GLP2R: variants seen among roughly 807,000 people sequenced by gnomAD.
GLP2R encodes the protein glucagon-like peptide 2 receptor.
GLP2R carries 59 observed loss-of-function variants against 68.2 expected under a neutral mutation model. The observed-to-expected ratio is 0.87, with a 90% CI of 0.70 to 1.07. The LOEUF is 1.07. Among genes scored for constraint, GLP2R ranks in the 50% least tolerant of loss-of-function variants. The probability of loss-of-function intolerance (pLI) is 0.00; values close to 1 mark genes in which losing one functional copy is unlikely to be tolerated. For missense variants in GLP2R, 548 were observed against 677.4 expected, an observed-to-expected ratio of 0.81 and a Z score of 2.12; for synonymous variants, 270 against 265.4, an observed-to-expected ratio of 1.02 and a Z score of -0.17.
chr17:9,857,462 G>A lies in GLP2R; in HGVS notation c.651G>A (p.Leu217=). The change falls in exon 6 of 13, where the codon TTG becomes TTA. Residue 217 remains leucine (L), a synonymous_variant. Coordinates refer to ENST00000262441, the MANE Select transcript of GLP2R (RefSeq NM_004246.3). ...HCTRNYIHMN[L]FASFILRTLA... ...CGCGCAACTACATCCACATGAACTT[G>A]TTTGCTTCTTTCATCCTGAGAACCC... The A allele has an allele frequency of 6.2e-7, 1 of 1,614,200 alleles. No homozygotes were observed. The highest frequency in any genetic ancestry group is 8.5e-7 in the Non-Finnish European group (1 of 1,180,028).
chr17:9,826,161 G>A lies in GLP2R; in HGVS notation c.98G>A (p.Gly33Glu). ...ELPMGIPAPWGTSPLSFHRKC... is the reference protein window; with the variant it reads ...ELPMGIPAPWETSPLSFHRKC... ...CCCATGGGCATCCCTGCCCCCTGGG[G>A]GACCAGTCCTCTCTCCTTCCACAGG... is the stretch of plus-strand genomic sequence containing the variant. Residue 33 changes from glycine (G) to glutamate (E), a missense_variant, in exon 1 of 13, where the codon GGG (glycine) becomes GAG (glutamate). Physicochemically the swap from Gly to Glu is moderately conservative, Grantham distance 98. Coordinates refer to ENST00000262441, the MANE Select transcript of GLP2R (RefSeq NM_004246.3). 1.2e-6 allele frequency: 2 copies of A among 1,612,960 alleles called. No homozygotes were observed. The highest frequency in any genetic ancestry group is 1.7e-6 in the Non-Finnish European group (2 of 1,179,518).
At chr17:9,880,317 C>G in intron 10 of GLP2R, 61 bp from the exon 11 acceptor site, 2 of 1,082,728 alleles carry the variant, frequency 1.8e-6, no homozygotes, top group Non-Finnish European at 2.7e-6. Flanking sequence ...CATGGAAGAG[C>G]AGGAAATGTT....
intron 11 of GLP2R, among the ~76,000 whole-genome samples, chr17:9,884,759 C>A (rs905587205): frequency 6.6e-6 from 1 of 151,978 alleles, no homozygotes; most frequent in Admixed American, 6.6e-5. Flanking sequence ...AATTTTTTTC[C>A]CATTATGAAA....
chr17:9,861,727 A>G (rs762552344), intron 8 of GLP2R, among the ~76,000 whole-genome samples: 1 of 152,212 alleles, frequency 6.6e-6, no homozygotes, highest in Non-Finnish European at 1.5e-5. Flanking sequence ...CACACAAAAA[A>G]CTACATAATT....
In GLP2R at chr17:9,860,001, C is replaced by T. The variant is rs777796266; in HGVS notation, c.825C>T (p.Tyr275=). 3 of 1,613,518 alleles carry T rather than the reference C, an allele frequency of 1.9e-6. No individual in the cohort carries two copies. The highest frequency in any genetic ancestry group is 1.7e-5 in the Admixed American group (1 of 59,988). The change falls in exon 7 of 13, where the codon TAC becomes TAT. Residue 275 remains tyrosine, a synonymous_variant. Coordinates refer to ENST00000262441, the MANE Select transcript of GLP2R (RefSeq NM_004246.3). The part of the protein sequence containing the change: ...VLLHYFVGAN[Y]LWLLVEGLYL... Reference sequence around the variant, plus strand: ...TGCATTACTTTGTGGGTGCCAATTACTTATGGCTGCTGGTTGAAGGCCTCT... The same window carrying T: ...TGCATTACTTTGTGGGTGCCAATTATTTATGGCTGCTGGTTGAAGGCCTCT...
intron 10 of GLP2R, among the ~76,000 whole-genome samples, chr17:9,873,556 CTT>C (rs3073988): frequency 6.1e-4 from 32 of 52,056 alleles, no homozygotes; most frequent in Non-Finnish European, 9.5e-4. Flanking sequence ...TATGCATGGA[CTT>C]TTTTTTTTTT....
At chr17:9,870,184 T>G (rs908092719) in intron 9 of GLP2R, among the ~76,000 whole-genome samples, 21 of 152,182 alleles carry the variant, frequency 1.4e-4, no homozygotes, top group Admixed American at 1.4e-3. Context: ...AATCACTGAC[T>G]AGCCATGCAA....
chr17:9,889,218 T>G (rs912436424), intron 12 of GLP2R, 152 bp from the exon 13 acceptor site: 9 of 604,910 alleles, frequency 1.5e-5, no homozygotes, highest in Non-Finnish European at 2.1e-5. Context: ...CCACCAGACA[T>G]GTTTATGTAT....
chr17:9,833,407 G>T (rs1193565870), intron 1 of GLP2R, among the ~76,000 whole-genome samples: 2 of 152,188 alleles, frequency 1.3e-5, no homozygotes, highest in Non-Finnish European at 2.9e-5. Flanking sequence ...GGCAATGCAG[G>T]CTTCTGCAAT....
At chr17:9,853,209 C>A in intron 4 of GLP2R, 1 of 362,864 alleles carries the variant, frequency 2.8e-6, no homozygotes, top group South Asian at 3.2e-5. Flanking sequence ...TCATCATTGT[C>A]CGCCTTAAAG....
intron 11 of GLP2R, among the ~76,000 whole-genome samples, chr17:9,884,852 C>T (rs2067228123): frequency 6.6e-6 from 1 of 152,032 alleles, no homozygotes; most frequent in South Asian, 2.1e-4. Context: ...CCGTAATCTT[C>T]TTTAAAAGGT....
At chr17:9,864,242 C>A (rs953707648) in intron 9 of GLP2R, among the ~76,000 whole-genome samples, 2 of 152,226 alleles carry the variant, frequency 1.3e-5, no homozygotes, top group Non-Finnish European at 2.9e-5. Context: ...GCACCAGCAT[C>A]GCCTGAGCGC....
Position 9,890,365 on chromosome 17 carries a change from T to A in GLP2R, c.*660T>A. On this transcript the variant is annotated 3_prime_UTR_variant, in exon 13 of 13. Coordinates refer to ENST00000262441, the MANE Select transcript of GLP2R (RefSeq NM_004246.3). Reference sequence around the variant, plus strand: ...CTGCCCTCCTTGGAGAGTATGTAACTCCACCCACCAGAGTGCCACTCCTCT... The same window carrying A: ...CTGCCCTCCTTGGAGAGTATGTAACACCACCCACCAGAGTGCCACTCCTCT... 8.0e-6 allele frequency: 2 copies of A among 251,122 alleles called. No homozygotes were observed. The highest frequency in any genetic ancestry group is 9.1e-5 in the South Asian group (2 of 21,950). 15.6% of individuals were successfully genotyped at this position (251,122 alleles called of 1,614,324 possible). A position where few individuals can be genotyped will look rare whatever the true frequency, so the allele number is the denominator to read the frequency against.
intron 12 of GLP2R, among the ~76,000 whole-genome samples, chr17:9,888,753 C>CATGA (rs925034308): frequency 6.6e-6 from 1 of 152,240 alleles, no homozygotes; most frequent in Non-Finnish European, 1.5e-5. Flanking sequence ...AGGCATGAAC[C>CATGA]ATGAAGCCTG....
intron 4 of GLP2R, among the ~76,000 whole-genome samples, chr17:9,846,267 GCTATA>G (rs1425745514): frequency 6.6e-6 from 1 of 152,102 alleles, no homozygotes; most frequent in African/African-American, 2.4e-5. Context: ...TTAAAAAACT[GCTATA>G]TGAGGGATAG....
intron 12 of GLP2R, among the ~76,000 whole-genome samples, chr17:9,888,283 C>T (rs578059290): frequency 2.0e-5 from 3 of 152,110 alleles, no homozygotes; most frequent in Admixed American, 6.6e-5. Flanking sequence ...TCTGAATTCA[C>T]GCCTTGGTTC....
chr17:9,828,696 T>C (rs2152028548), intron 1 of GLP2R, among the ~76,000 whole-genome samples: 1 of 152,334 alleles, frequency 6.6e-6, no homozygotes, highest in Non-Finnish European at 1.5e-5. Flanking sequence ...TGAAGCCCTG[T>C]GTTTTTTCTT....
At chr17:9,834,031 G>A (rs535154980) in intron 2 of GLP2R, 137 bp downstream of exon 2, 2 of 708,946 alleles carry the variant, frequency 2.8e-6, no homozygotes, top group African/African-American at 1.7e-5. Flanking sequence ...ACTGGGGATG[G>A]CTTGTTTCCG....
chr17:9,861,911 G>C (rs1239096333), intron 8 of GLP2R, 110 bp from the exon 9 acceptor site: 1 of 792,496 alleles, frequency 1.3e-6, no homozygotes, highest in Non-Finnish European at 2.3e-6. Flanking sequence ...TGATTGGTGG[G>C]AAGTAGGGCT....
Sources: gnomAD v4.1 joint callset for allele counts (sites outside exome capture counted in the v4.1 genomes callset) on GRCh38, gnomAD v4.1.1 for gene constraint, MANE v1.5 for transcripts, NCBI Gene and HGNC (gene_info 2026-07-23, HGNC 2026-07-21) for gene names.